Variants in DPP6 observed in about 807,000 individuals in gnomAD.
The protein encoded by DPP6 is A-type potassium channel modulatory protein DPP6.
Under a neutral mutation model 122.6 loss-of-function variants are expected in DPP6, and 69 were observed. The observed-to-expected ratio is 0.56, with a 90% CI of 0.46 to 0.69. The LOEUF is 0.69. DPP6 is among the 30% of genes least tolerant of loss of function. The pLI is 0.00. For synonymous variants in DPP6, 418 were observed against 433.1 expected (o/e 0.97, Z 0.43); for missense variants, 928 against 1,116.9 (o/e 0.83, Z 2.41).
At position 154,341,302 on chromosome 7, in the gene DPP6, G is replaced by A. The variant is rs1809909943; in HGVS notation, c.244-104912G>A. 2.6e-5 allele frequency among the ~76,000 whole-genome samples: 4 copies of A among 152,260 alleles called. No individual in the cohort carries two copies. The South Asian group carries it at 8.3e-4, about 32-fold the overall frequency. On this transcript the variant is annotated intron_variant, in intron 1 of 25. Coordinates refer to ENST00000377770, the MANE Select transcript of DPP6 (RefSeq NM_130797.4). ...GCGTCAGTGCAGGCTGCGGTGTCTG[G>A]CTCTGTCCTTCTGACATCTGCGGTG...
chr7:154,239,991 TTAAAAAAAAAAAAAAAAAAAAAAAAAA>T (rs1399508741), intron 1 of DPP6, among the ~76,000 whole-genome samples: 2 of 66,214 alleles, frequency 3.0e-5, no homozygotes, highest in Non-Finnish European at 5.0e-5. Flanking sequence ...GATGCTGTCT[TTAAAAAAAAAAAAAAAAAAAAAAAAAA>T]AAAAAAAAAA....
upstream of DPP6, among the ~76,000 whole-genome samples, chr7:153,886,128 C>CACAG (rs1490166170): frequency 6.6e-6 from 1 of 151,016 alleles, no homozygotes; most frequent in Non-Finnish European, 1.5e-5. Flanking sequence ...CACACACACA[C>CACAG]ACACACACAC....
chr7:154,762,836 G>A (rs1368410738), intron 8 of DPP6, among the ~76,000 whole-genome samples: 9 of 152,212 alleles, frequency 5.9e-5, no homozygotes, highest in African/African-American at 1.9e-4. Context: ...CTGGGATACC[G>A]AGTTCCTAAA....
chr7:153,871,103 C>T, the DPP6 span, among the ~76,000 whole-genome samples: 17 of 152,282 alleles, frequency 1.1e-4, 1 homozygote, highest in Admixed American at 9.8e-4. Context: ...GGTCAGGAAC[C>T]CACGTGAGGA....
chr7:153,972,282 C>T (rs923149250), intron 1 of DPP6, among the ~76,000 whole-genome samples: 1 of 150,336 alleles, frequency 6.7e-6, no homozygotes, highest in African/African-American at 2.4e-5. Flanking sequence ...TGATGTTTCT[C>T]CATCACACAT....
intron 7 of DPP6, among the ~76,000 whole-genome samples, chr7:154,683,905 A>G (rs777411497): frequency 8.5e-5 from 13 of 152,164 alleles, no homozygotes; most frequent in Non-Finnish European, 1.9e-4. Flanking sequence ...GTCTAGCTCT[A>G]TCACCCAGGC....
chr7:154,104,604 C>A (rs1585385823), intron 1 of DPP6, among the ~76,000 whole-genome samples: 1 of 152,388 alleles, frequency 6.6e-6, no homozygotes, highest in African/African-American at 2.4e-5. Context: ...TCTCAGGGAC[C>A]CTTCGGCCCT....
chr7:154,887,630 G>A (rs1387614906), intron 22 of DPP6, 46 bp from the exon 23 acceptor site: 5 of 1,607,646 alleles, frequency 3.1e-6, no homozygotes, highest in Non-Finnish European at 4.3e-6. Flanking sequence ...TGCGCTCACA[G>A]GGCCTCGAAG....
chr7:154,401,424 T>C (rs1043551963), intron 1 of DPP6, among the ~76,000 whole-genome samples: 1 of 151,852 alleles, frequency 6.6e-6, no homozygotes, highest in African/African-American at 2.4e-5. Context: ...TATGATTTTT[T>C]GACCCTGAGA....
intron 1 of DPP6, among the ~76,000 whole-genome samples, chr7:154,354,953 T>A (rs984786571): frequency 6.6e-6 from 1 of 152,208 alleles, no homozygotes; most frequent in Non-Finnish European, 1.5e-5. Flanking sequence ...TGCACCAATT[T>A]ATACTCCCAT....
At chr7:154,506,534 A>G (rs1244269155) in intron 3 of DPP6, among the ~76,000 whole-genome samples, 1 of 152,178 alleles carries the variant, frequency 6.6e-6, no homozygotes, top group East Asian at 1.9e-4. Flanking sequence ...GAGAAGGAAC[A>G]TCCTCTTTAT....
At chr7:153,996,573 T>G (rs1397078537) in intron 1 of DPP6, among the ~76,000 whole-genome samples, 1 of 151,750 alleles carries the variant, frequency 6.6e-6, no homozygotes, top group Non-Finnish European at 1.5e-5. Context: ...TATAGCCTAT[T>G]ATAAACTATT....
chr7:154,514,409 T>G (rs1368731621), intron 3 of DPP6, among the ~76,000 whole-genome samples: 2 of 152,198 alleles, frequency 1.3e-5, no homozygotes, highest in Non-Finnish European at 1.5e-5. Flanking sequence ...ATATATAATA[T>G]AAAATCCACC....
At chr7:153,758,057 A>G in the DPP6 span, among the ~76,000 whole-genome samples, 4,682 of 145,444 alleles carry the variant, frequency 0.032, no homozygotes, top group African/African-American at 0.13. Flanking sequence ...ATAGTAAAAC[A>G]TACTTAATGG....
At position 154,887,618 on chromosome 7, in the gene DPP6, G is replaced by A. The variant is rs1806265913; in HGVS notation, c.2246-58G>A. 17 of 1,587,230 alleles carry A rather than the reference G, an allele frequency of 1.1e-5. No individual in the cohort carries two copies. The South Asian group carries it at 1.5e-4, about 14-fold the overall frequency. ...CCAGGGCCCTCCCTAGAGTTTGGGGGCTGCGCTCACAGGGCCTCGAAGCCA... is the reference window on the plus strand; with the variant it reads ...CCAGGGCCCTCCCTAGAGTTTGGGGACTGCGCTCACAGGGCCTCGAAGCCA... On this transcript the variant is annotated intron_variant, in intron 22 of 25. Coordinates refer to ENST00000377770, the MANE Select transcript of DPP6 (RefSeq NM_130797.4).
chr7:153,760,305 G>GGAA, the DPP6 span, among the ~76,000 whole-genome samples: 1 of 152,050 alleles, frequency 6.6e-6, no homozygotes, highest in Admixed American at 6.6e-5. Flanking sequence ...TTGCACATAT[G>GGAA]GAATTCAGCT....
intron 1 of DPP6, among the ~76,000 whole-genome samples, chr7:154,163,645 A>G (rs1457692329): frequency 2.0e-5 from 3 of 152,176 alleles, no homozygotes; most frequent in Non-Finnish European, 4.4e-5. Flanking sequence ...TGCTAGTGCA[A>G]TGATGCTTCC....
intron 4 of DPP6, among the ~76,000 whole-genome samples, chr7:154,560,497 C>T (rs190625752): frequency 8.5e-5 from 13 of 152,226 alleles, no homozygotes; most frequent in Admixed American, 7.2e-4. Context: ...CCTTAATACT[C>T]CTGGAGGATT....
intron 1 of DPP6, among the ~76,000 whole-genome samples, chr7:154,372,339 T>C (rs1812746283): frequency 6.6e-6 from 1 of 152,082 alleles, no homozygotes; most frequent in Non-Finnish European, 1.5e-5. Flanking sequence ...TTGCAGAGCA[T>C]GGATTTTCTG....
Sources: gnomAD v4.1 joint callset for allele counts (sites outside exome capture counted in the v4.1 genomes callset) on GRCh38, gnomAD v4.1.1 for gene constraint, MANE v1.5 for transcripts, NCBI Gene and HGNC (gene_info 2026-07-23, HGNC 2026-07-21) for gene names.